Variants in PLXNA2 observed in about 807,000 individuals in gnomAD.
The protein encoded by PLXNA2 is plexin-A2.
Under a neutral mutation model 193.5 loss-of-function variants are expected in PLXNA2, and 91 were observed. The observed-to-expected ratio is 0.47, with a 90% CI of 0.40 to 0.56. The LOEUF (loss-of-function observed/expected upper bound fraction) is 0.56, where lower values mean the gene tolerates loss of function less well. Among genes scored for constraint, PLXNA2 ranks in the 20% least tolerant of loss-of-function variants. PLXNA2 has a pLI of 0.00. For synonymous variants in PLXNA2, 997 were observed against 1,027.3 expected (o/e 0.97, Z 0.56); for missense variants, 1,995 against 2,503.2 (o/e 0.80, Z 4.33).
chr1:208,187,403 T>A (rs1164134336), intron 3 of PLXNA2, among the ~76,000 whole-genome samples: 3 of 152,080 alleles, frequency 2.0e-5, no homozygotes, highest in African/African-American at 7.3e-5. Flanking sequence ...TCTGTGTGTG[T>A]GAGAGAGACC....
chr1:208,218,151 C>T (rs917686924), intron 1 of PLXNA2, 149 bp from the exon 2 acceptor site: 6 of 650,620 alleles, frequency 9.2e-6, no homozygotes, highest in Non-Finnish European at 1.6e-5. Flanking sequence ...ATACTTTCTC[C>T]CTCTTAGGAA....
At position 208,044,591 on chromosome 1, in the gene PLXNA2, G is replaced by T; in HGVS notation, c.3791C>A (p.Ser1264Tyr). Residue 1264 changes from serine (S) to tyrosine (Y), a missense_variant, in exon 20 of 32, where the codon TCT (serine) becomes TAT (tyrosine). Physicochemically the swap from Ser to Tyr is moderately radical, Grantham distance 144. Transcript: ENST00000367033. This position sits in a 1 kb window ranked among gnomAD's most constrained non-coding sequence, Gnocchi z 4.9. ...CTTGAGAGTGAGGTCATTTTCTCGA[G>T]ACTTGCGCTTGTAGGCAATGAGGAC... ...IIVLIAYKRK[S>Y]RENDLTLKRL... is the part of the protein sequence containing the mutation. 1 of 1,614,152 alleles carries T rather than the reference G, an allele frequency of 6.2e-7. No homozygotes were observed. Among genetic ancestry groups the T allele is most frequent in the Non-Finnish European group, 8.5e-7 (1 of 1,180,002 alleles).
At chr1:208,057,392 T>C (rs1337884047) in intron 13 of PLXNA2, among the ~76,000 whole-genome samples, 1 of 152,214 alleles carries the variant, frequency 6.6e-6, no homozygotes, top group Non-Finnish European at 1.5e-5. Flanking sequence ...GGATGCTCTG[T>C]ATGTCTTTCA....
intron 3 of PLXNA2, among the ~76,000 whole-genome samples, chr1:208,143,775 G>T (rs954071370): frequency 4.6e-5 from 7 of 151,332 alleles, no homozygotes; most frequent in Admixed American, 4.6e-4. Flanking sequence ...CAATTGATTT[G>T]TTCATTGTAT....
intron 9 of PLXNA2, among the ~76,000 whole-genome samples, chr1:208,086,310 CTT>C (rs138862486): frequency 6.9e-6 from 1 of 145,264 alleles, no homozygotes; most frequent in Non-Finnish European, 1.5e-5. Context: ...GTGAAAAAAT[CTT>C]TTTTTTTTTA....
chr1:208,197,355 C>T (rs1326984016), intron 3 of PLXNA2, among the ~76,000 whole-genome samples: 1 of 152,254 alleles, frequency 6.6e-6, no homozygotes, highest in Admixed American at 6.5e-5. Flanking sequence ...CGTGATTACT[C>T]AGGCTGAGGG....
chr1:208,040,232 G>T (rs1664822699), intron 22 of PLXNA2, 174 bp from the exon 23 acceptor site: 3 of 606,104 alleles, frequency 4.9e-6, no homozygotes, highest in East Asian at 2.8e-5. Context: ...TGTGACCTGG[G>T]GGTAGGGGTG....
At chr1:208,219,424 C>G (rs1469027047) in intron 1 of PLXNA2, among the ~76,000 whole-genome samples, 2 of 152,162 alleles carry the variant, frequency 1.3e-5, no homozygotes, top group Non-Finnish European at 2.9e-5. Context: ...AGCGAGCTGT[C>G]CGGCAGAGAA....
Position 208,092,894 on chromosome 1 carries a change from C to G in PLXNA2, c.1989G>C (p.Leu663=). Residue 663 remains leucine, a synonymous_variant, in exon 9 of 32, where the codon CTG becomes CTC. Coordinates refer to ENST00000367033, the MANE Select transcript of PLXNA2 (RefSeq NM_025179.4). Reference sequence around the variant, plus strand: ...AGCGGAAGGCGCTGTTGACACAGGACAGGCACCTGCAAGGACAGAGATGGT... The same window carrying G: ...AGCGGAAGGCGCTGTTGACACAGGAGAGGCACCTGCAAGGACAGAGATGGT... ...FYNCSAHQLC[L]SCVNSAFRCH... is the part of the protein sequence containing the mutation. The G allele has an allele frequency of 1.9e-6, 3 of 1,612,010 alleles. No homozygotes were observed. Among genetic ancestry groups the G allele is most frequent in the Non-Finnish European group, 2.5e-6 (3 of 1,178,260 alleles).
intron 1 of PLXNA2, among the ~76,000 whole-genome samples, chr1:208,226,984 G>A (rs1671531230): frequency 1.3e-5 from 2 of 152,236 alleles, no homozygotes; most frequent in Admixed American, 6.5e-5. Context: ...TCCGAGAAAG[G>A]TCATCCCACC....
intron 4 of PLXNA2, among the ~76,000 whole-genome samples, chr1:208,111,024 A>G (rs1237385743): frequency 6.6e-6 from 1 of 152,084 alleles, no homozygotes; most frequent in East Asian, 1.9e-4. Flanking sequence ...GTGAAGAGGG[A>G]CATAGATTGG....
chr1:208,079,158 G>T, intron 12 of PLXNA2, 102 bp downstream of exon 12: 1 of 997,824 alleles, frequency 1.0e-6, no homozygotes, highest in Non-Finnish European at 1.5e-6. Context: ...CTCACTGTAC[G>T]CCAATAATTT....
In PLXNA2 at chr1:208,223,815, G is replaced by A. The variant is rs139767238; in HGVS notation, c.-80-5813C>T. Among the ~76,000 whole-genome samples the A allele has an allele frequency of 3.0e-4, 46 of 152,324 alleles. No individual in the cohort carries two copies. In the East Asian group the frequency reaches 8.5e-3, roughly 28 times the overall value. On this transcript the variant is annotated intron_variant, in intron 1 of 31. Coordinates refer to ENST00000367033, the MANE Select transcript of PLXNA2 (RefSeq NM_025179.4). ...TTAAGGGGGACATTCTGCCTAGAGA[G>A]GATCTGCAGAGCATCCTGCCAAGGA... is the stretch of plus-strand genomic sequence containing the variant.
At chr1:208,109,762 G>T (rs1031619196) in intron 4 of PLXNA2, among the ~76,000 whole-genome samples, 5 of 152,226 alleles carry the variant, frequency 3.3e-5, no homozygotes, top group African/African-American at 9.6e-5. Context: ...GGCTCTTTCT[G>T]AAGGATGAGG....
At chr1:208,030,466 G>C (rs1207428625) in intron 29 of PLXNA2, 1 of 985,224 alleles carries the variant, frequency 1.0e-6, no homozygotes, top group East Asian at 1.1e-4. Context: ...AGGGAATGCA[G>C]ATGGAAGGCC....
chr1:208,139,022 G>T (rs654633), intron 4 of PLXNA2, among the ~76,000 whole-genome samples: 21,403 of 152,100 alleles, frequency 0.14, 2,035 homozygotes, highest in Non-Finnish European at 0.21. Flanking sequence ...GCAATAGTGA[G>T]ACTCTGTCTC....
chr1:208,117,020 A>T (rs2102441788), intron 4 of PLXNA2, among the ~76,000 whole-genome samples: 1 of 152,114 alleles, frequency 6.6e-6, no homozygotes, highest in Non-Finnish European at 1.5e-5. Flanking sequence ...AAAATACAAA[A>T]ATTAGCCGGG....
intron 28 of PLXNA2, chr1:208,032,082 G>C (rs559982926): frequency 1.0e-6 from 1 of 985,334 alleles, no homozygotes; most frequent in South Asian, 4.7e-5. Flanking sequence ...GAATGAGGGG[G>C]CACAGGCTGC....
intron 4 of PLXNA2, among the ~76,000 whole-genome samples, chr1:208,126,772 T>G (rs193257982): frequency 6.6e-6 from 1 of 152,118 alleles, no homozygotes; most frequent in East Asian, 1.9e-4. Flanking sequence ...GAGCCTATGG[T>G]ATCTTCCTGC....
Sources: gnomAD v4.1 joint callset for allele counts (sites outside exome capture counted in the v4.1 genomes callset) on GRCh38, gnomAD v4.1.1 for gene constraint, Gnocchi (gnomAD v3.1) non-coding constraint, MANE v1.5 for transcripts, NCBI Gene and HGNC (gene_info 2026-07-23, HGNC 2026-07-21) for gene names.